The following CLMN variants were observed in gnomAD, a reference collection of about 807,000 sequenced individuals.
The protein encoded by CLMN is calmin.
A neutral mutation model predicts 92.7 loss-of-function variants in CLMN; 57 were observed. The ratio of observed to expected loss-of-function variants is 0.61; its 90% CI spans 0.50 to 0.77. The LOEUF (loss-of-function observed/expected upper bound fraction) is 0.77. Among genes scored for constraint, CLMN ranks in the 30% least tolerant of loss-of-function variants. CLMN has a pLI of 0.00. For synonymous variants in CLMN, 466 were observed against 470.6 expected, an observed-to-expected ratio of 0.99 and a Z score of 0.13; for missense variants, 1,158 against 1,237.5, an observed-to-expected ratio of 0.94 and a Z score of 0.96.
intron 5 of CLMN, among the ~76,000 whole-genome samples, chr14:95,215,437 G>A (rs775401592): frequency 6.6e-6 from 1 of 152,170 alleles, no homozygotes; most frequent in South Asian, 2.1e-4. Flanking sequence ...TTCTCTTCTA[G>A]AGAACTTGCA....
At chr14:95,245,194 A>AATATATAT (rs1326720445) in intron 1 of CLMN, among the ~76,000 whole-genome samples, 1 of 35,482 alleles carries the variant, frequency 2.8e-5, no homozygotes, top group African/African-American at 1.4e-4. Flanking sequence ...ATATATATAT[A>AATATATAT]ATATATATAT....
chr14:95,309,000 G>A (rs982139021), intron 1 of CLMN, among the ~76,000 whole-genome samples: 18 of 152,148 alleles, frequency 1.2e-4, no homozygotes, highest in Non-Finnish European at 2.2e-4. Context: ...AACCTACCAC[G>A]AGACAACAAT....
Position 95,235,989 on chromosome 14 carries a change from G to T in CLMN, c.83-5856C>A, listed in dbSNP as rs146819568. On this transcript the variant is annotated intron_variant, in intron 1 of 12. Coordinates refer to ENST00000298912, the MANE Select transcript of CLMN (RefSeq NM_024734.4). ...ACCTTCCCTCTGCCACCAAGCTGCT[G>T]TAGAGAAGGAGACATTTGAATGGGT... Among the ~76,000 whole-genome samples the T allele has an allele frequency of 3.3e-4, 51 of 152,344 alleles. 1 individual carries two copies. The East Asian group carries it at 9.8e-3, about 29-fold the overall frequency.
At chr14:95,249,463 A>G (rs887814595) in intron 1 of CLMN, among the ~76,000 whole-genome samples, 1 of 152,172 alleles carries the variant, frequency 6.6e-6, no homozygotes, top group Non-Finnish European at 1.5e-5. Flanking sequence ...ATGTCTGTGT[A>G]TTGGAAAAGG....
At chr14:95,318,697 G>A (rs1345917880) in intron 1 of CLMN, among the ~76,000 whole-genome samples, 1 of 152,126 alleles carries the variant, frequency 6.6e-6, no homozygotes, top group East Asian at 1.9e-4. Flanking sequence ...CAAGCCAGCA[G>A]GGGAAGCAGC....
intron 1 of CLMN, among the ~76,000 whole-genome samples, chr14:95,315,575 G>A (rs761188611): frequency 3.9e-5 from 6 of 152,236 alleles, no homozygotes; most frequent in Admixed American, 1.3e-4. Context: ...CTGATCCTTC[G>A]GAAAACGCAG....
chr14:95,249,101 C>T (rs1415023036), intron 1 of CLMN, among the ~76,000 whole-genome samples: 2 of 151,622 alleles, frequency 1.3e-5, no homozygotes, highest in Non-Finnish European at 2.9e-5. Flanking sequence ...AAATGATTTC[C>T]TTTCATTCTT....
In CLMN at chr14:95,196,520, T is replaced by C; in HGVS notation, c.2686A>G (p.Ser896Gly). The change falls in exon 10 of 13, where the codon AGC (serine) becomes GGC (glycine). Residue 896 changes from serine (S) to glycine (G), a missense_variant. Physicochemically the swap from Ser to Gly is moderately conservative, Grantham distance 56. Coordinates refer to ENST00000298912, the MANE Select transcript of CLMN (RefSeq NM_024734.4). ...TACCTGGAAGGAATGCTGTAGTCGC[T>C]ACTGTCTTCTTCTAGGTCATCTGAG... ...QSSDDLEEDS[S>G]DYSIPSRTSH... 1 of 1,612,630 alleles carries C rather than the reference T, an allele frequency of 6.2e-7. No homozygotes were observed.
intron 1 of CLMN, among the ~76,000 whole-genome samples, chr14:95,263,160 C>T (rs757703279): frequency 1.9e-4 from 29 of 152,216 alleles, no homozygotes; most frequent in Non-Finnish European, 4.0e-4. Context: ...TTCAGTATGG[C>T]GGAGGAGGCC....
Position 95,209,481 on chromosome 14 carries a change from T to C in CLMN, c.803-4A>G, listed in dbSNP as rs1317376625. On this transcript the variant is annotated splice_region_variant and splice_polypyrimidine_tract_variant and intron_variant, in intron 7 of 12. Transcript: ENST00000298912. ...TCTGGTGTGTCAACCATGATGTCTG[T>C]CGAGAGAGACACAGGAATTAGCAGG... 2 of 1,612,492 alleles carry C rather than the reference T, an allele frequency of 1.2e-6. No homozygotes were observed. The highest frequency in any genetic ancestry group is 2.7e-5 in the African/African-American group (2 of 74,870).
chr14:95,304,435 G>A (rs962814365), intron 1 of CLMN, among the ~76,000 whole-genome samples: 10 of 152,032 alleles, frequency 6.6e-5, no homozygotes, highest in Non-Finnish European at 7.4e-5. Context: ...CCAAAGGGTC[G>A]GGAATTAGTG....
At chr14:95,316,975 G>A (rs755989105) in intron 1 of CLMN, among the ~76,000 whole-genome samples, 8 of 152,284 alleles carry the variant, frequency 5.3e-5, no homozygotes, top group East Asian at 3.9e-4. Flanking sequence ...CGACAACTGC[G>A]GCTATCTGTG....
At chr14:95,245,051 G>T (rs1898409690) in intron 1 of CLMN, among the ~76,000 whole-genome samples, 1 of 133,958 alleles carries the variant, frequency 7.5e-6, no homozygotes, top group South Asian at 2.5e-4. Flanking sequence ...GAAAATTTAG[G>T]TTCAAGGAAG....
chr14:95,210,892 C>G lies in CLMN; in HGVS notation c.609-13G>C. On this transcript the variant is annotated splice_polypyrimidine_tract_variant and intron_variant, in intron 6 of 12. Coordinates refer to ENST00000298912, the MANE Select transcript of CLMN (RefSeq NM_024734.4). ...CGCCACGCCATACCTGAAGGAAAAA[C>G]AGCAGCGGCGGCCAGGATGCTGGTT... 6.7e-7 allele frequency: 1 copy of G among 1,490,128 alleles called. No individual in the cohort carries two copies. 92.3% of individuals were successfully genotyped at this position (1,490,128 alleles called of 1,614,324 possible). A position where few individuals can be genotyped will look rare whatever the true frequency, so the allele number is the denominator to read the frequency against.
At position 95,210,776 on chromosome 14, in the gene CLMN, C is replaced by T. The variant is rs141834785; in HGVS notation, c.712G>A (p.Ala238Thr). Reference protein sequence around the residue: ...IDPSLVDMKQALENSTRENLE... With the variant: ...IDPSLVDMKQTLENSTRENLE... ...TTTTCTCGTGTGGAATTTTCCAGGG[C>T]CTGTTTCATGTCCACCAGGCTGGGG... is the stretch of plus-strand genomic sequence containing the variant. Residue 238 changes from alanine (A) to threonine (T), a missense_variant, in exon 7 of 13, where the codon GCC becomes ACC. By Grantham distance (58) the Ala-to-Thr change is moderately conservative. Transcript: ENST00000298912. 3.1e-6 allele frequency: 5 copies of T among 1,604,892 alleles called. No homozygotes were observed. The highest frequency in any genetic ancestry group is 1.4e-5 in the African/African-American group (1 of 73,814).
At position 95,194,464 on chromosome 14, in the gene CLMN, G is replaced by A. The variant is rs1045064598; in HGVS notation, c.2769+72C>T. On this transcript the variant is annotated intron_variant, in intron 11 of 12. Coordinates refer to ENST00000298912, the MANE Select transcript of CLMN (RefSeq NM_024734.4). This position sits in a 1 kb window ranked among gnomAD's most constrained non-coding sequence, Gnocchi z 4.0. Reference sequence around the variant, plus strand: ...GCCAGTAATTTCAAAGCTCTGGGCTGGGGAGGAGGAAGGATGGAAAGGAAT... The same window carrying A: ...GCCAGTAATTTCAAAGCTCTGGGCTAGGGAGGAGGAAGGATGGAAAGGAAT... The A allele has an allele frequency of 1.9e-6, 3 of 1,611,334 alleles. No homozygotes were observed. Among genetic ancestry groups the A allele is most frequent in the Non-Finnish European group, 2.5e-6 (3 of 1,178,294 alleles).
chr14:95,315,815 G>C (rs1396675355), intron 1 of CLMN, among the ~76,000 whole-genome samples: 2 of 152,236 alleles, frequency 1.3e-5, no homozygotes, highest in African/African-American at 4.8e-5. Context: ...CTGGCTGGGT[G>C]CCCATGACAG....
At position 95,294,573 on chromosome 14, in the gene CLMN, T is replaced by C. The variant is rs1900731274; in HGVS notation, c.82+25138A>G. Among the ~76,000 whole-genome samples, 1 of 152,214 alleles carries C rather than the reference T, an allele frequency of 6.6e-6. No homozygotes were observed. Among genetic ancestry groups the C allele is most frequent in the African/African-American group, 2.4e-5 (1 of 41,468 alleles). The stretch of plus-strand genomic sequence containing the variant: ...TTCCGAGTCACATGATCTTGGGAAG[T>C]TACCTCCTGGTCTCTACCTTGTAGA... On this transcript the variant is annotated intron_variant, in intron 1 of 12. Transcript: ENST00000298912. The surrounding 1 kb of genome is among the most constrained non-coding windows in gnomAD (Gnocchi z 4.2).
chr14:95,231,433 C>T (rs1370195239), intron 1 of CLMN, among the ~76,000 whole-genome samples: 5 of 152,094 alleles, frequency 3.3e-5, no homozygotes, highest in African/African-American at 1.2e-4. Context: ...CTCCTGACCT[C>T]GGGATCCGCC....
Sources: gnomAD v4.1 joint callset for allele counts (sites outside exome capture counted in the v4.1 genomes callset) on GRCh38, gnomAD v4.1.1 for gene constraint, Gnocchi (gnomAD v3.1) non-coding constraint, MANE v1.5 for transcripts, NCBI Gene and HGNC (gene_info 2026-07-23, HGNC 2026-07-21) for gene names.